The following TEX14 variants were observed in gnomAD, a reference collection of about 807,000 sequenced individuals.
TEX14 encodes the protein inactive serine/threonine-protein kinase TEX14.
A neutral mutation model predicts 178.6 loss-of-function variants in TEX14; 168 were observed. The ratio of observed to expected loss-of-function variants is 0.94; its 90% CI spans 0.83 to 1.07. TEX14 has a LOEUF of 1.07. TEX14 is among the 50% of genes least tolerant of loss of function. The probability of loss-of-function intolerance (pLI) is 0.00; values close to 1 mark genes in which losing one functional copy is unlikely to be tolerated. For synonymous variants in TEX14, 626 were observed against 634.1 expected (o/e 0.99, Z 0.19); for missense variants, 1,730 against 1,753.6 (o/e 0.99, Z 0.24).
chr17:58,608,947 G>A (rs996448810), intron 10 of TEX14, among the ~76,000 whole-genome samples: 7 of 152,164 alleles, frequency 4.6e-5, no homozygotes, highest in African/African-American at 1.7e-4. Flanking sequence ...CTGAAAATGG[G>A]TCTGGACTTA....
At chr17:58,675,850 A>G (rs2047385812) in intron 1 of TEX14, among the ~76,000 whole-genome samples, 1 of 152,214 alleles carries the variant, frequency 6.6e-6, no homozygotes, top group Non-Finnish European at 1.5e-5. Context: ...CTGGGCCTCC[A>G]AAGGTACGGT....
chr17:58,599,750 G>T (rs911440857), intron 13 of TEX14, 84 bp from the exon 14 acceptor site: 4 of 1,051,660 alleles, frequency 3.8e-6, no homozygotes, highest in Non-Finnish European at 5.4e-6. Flanking sequence ...AAGAGGCAAA[G>T]ACTGTCAAAA....
chr17:58,573,559 C>A (rs1034727232), intron 22 of TEX14, among the ~76,000 whole-genome samples: 1 of 152,140 alleles, frequency 6.6e-6, no homozygotes, highest in Non-Finnish European at 1.5e-5. Flanking sequence ...GCTCTTGTCA[C>A]CCAGGATGGA....
At chr17:58,598,378 T>C (rs1470752350) in intron 14 of TEX14, among the ~76,000 whole-genome samples, 1 of 151,942 alleles carries the variant, frequency 6.6e-6, no homozygotes, top group Non-Finnish European at 1.5e-5. Flanking sequence ...AGCTGTTTGT[T>C]GAATGAGTGA....
intron 2 of TEX14, among the ~76,000 whole-genome samples, chr17:58,641,997 T>A (rs1428030915): frequency 6.6e-6 from 1 of 152,212 alleles, no homozygotes; most frequent in Non-Finnish European, 1.5e-5. Context: ...CGAAGGGGTC[T>A]TCTTCAGAAG....
intron 5 of TEX14, among the ~76,000 whole-genome samples, chr17:58,620,589 G>T (rs2045975942): frequency 6.6e-6 from 1 of 152,072 alleles, no homozygotes; most frequent in Non-Finnish European, 1.5e-5. Context: ...CGCCTCCTGG[G>T]TTCAAGTGAT....
At chr17:58,591,974 G>A (rs1326972044) in intron 15 of TEX14, among the ~76,000 whole-genome samples, 18 of 151,328 alleles carry the variant, frequency 1.2e-4, no homozygotes, top group Non-Finnish European at 8.8e-5. Context: ...CAGGAGGATC[G>A]CTTGAACCCA....
intron 2 of TEX14, among the ~76,000 whole-genome samples, chr17:58,635,722 G>A (rs775261684): frequency 4.0e-5 from 6 of 151,574 alleles, no homozygotes; most frequent in Non-Finnish European, 8.8e-5. Flanking sequence ...GAGCCACTGC[G>A]CCCAGCCCAC....
chr17:58,686,627 A>G (rs1035872699), intron 1 of TEX14, among the ~76,000 whole-genome samples: 3 of 152,218 alleles, frequency 2.0e-5, no homozygotes, highest in Non-Finnish European at 4.4e-5. Flanking sequence ...GGCATTAAAA[A>G]AGCCAAGTAA....
chr17:58,688,039 A>G (rs1049197500), intron 1 of TEX14, among the ~76,000 whole-genome samples: 5 of 152,224 alleles, frequency 3.3e-5, no homozygotes, highest in Non-Finnish European at 7.3e-5. Flanking sequence ...CCCCAGTCAT[A>G]GGATTACTGT....
chr17:58,618,611 T>A (rs1411139134), intron 5 of TEX14, among the ~76,000 whole-genome samples: 1 of 152,246 alleles, frequency 6.6e-6, no homozygotes, highest in South Asian at 2.1e-4. Flanking sequence ...AAGATCCTAC[T>A]GCCACCAGAG....
At chr17:58,650,141 T>G (rs1449843625) in intron 2 of TEX14, among the ~76,000 whole-genome samples, 1 of 152,042 alleles carries the variant, frequency 6.6e-6, no homozygotes, top group Non-Finnish European at 1.5e-5. Flanking sequence ...CACTGCAACC[T>G]CTGCCTCCTG....
chr17:58,656,484 A>G (rs762620586), intron 1 of TEX14, among the ~76,000 whole-genome samples: 1 of 151,858 alleles, frequency 6.6e-6, no homozygotes, highest in Non-Finnish European at 1.5e-5. Context: ...GGCTGGGCAC[A>G]GTGGCTCATG....
At chr17:58,674,275 CA>C (rs544296706) in intron 1 of TEX14, among the ~76,000 whole-genome samples, 116 of 134,252 alleles carry the variant, frequency 8.6e-4, no homozygotes, top group Non-Finnish European at 9.7e-4. Context: ...GACTCTGTCT[CA>C]AAAAAAAAAA....
chr17:58,614,995 G>A (rs1340688855), intron 8 of TEX14, among the ~76,000 whole-genome samples: 2 of 152,222 alleles, frequency 1.3e-5, no homozygotes, highest in Admixed American at 1.3e-4. Flanking sequence ...GTTACAGGGC[G>A]GCTGACAGCT....
intron 20 of TEX14, 70 bp from the exon 21 acceptor site, chr17:58,577,526 G>A (rs2144383490): frequency 2.0e-6 from 1 of 493,700 alleles, no homozygotes. Context: ...CCAAATTATT[G>A]TCACCATTCC....
chr17:58,595,944 G>A (rs912432123), intron 14 of TEX14, among the ~76,000 whole-genome samples: 4 of 152,196 alleles, frequency 2.6e-5, no homozygotes, highest in Non-Finnish European at 5.9e-5. Context: ...CAACACTTTG[G>A]GAGGCCAAGG....
chr17:58,581,866 A>G (rs2044830088), intron 19 of TEX14: 1 of 927,086 alleles, frequency 1.1e-6, no homozygotes, highest in Admixed American at 2.5e-5. Context: ...GACTCTCCCT[A>G]CCTCTTTGTG....
chr17:58,659,624 CG>C (rs965401303), intron 1 of TEX14, among the ~76,000 whole-genome samples: 14 of 152,180 alleles, frequency 9.2e-5, no homozygotes, highest in Non-Finnish European at 1.6e-4. Flanking sequence ...CAAAAGAAAT[CG>C]CATTGTGTGA....
Sources: gnomAD v4.1 joint callset for allele counts (sites outside exome capture counted in the v4.1 genomes callset) on GRCh38, gnomAD v4.1.1 for gene constraint, MANE v1.5 for transcripts, NCBI Gene and HGNC (gene_info 2026-07-23, HGNC 2026-07-21) for gene names.